TBRG1: variants seen among roughly 807,000 people sequenced by gnomAD.
TBRG1 encodes the protein nuclear interactor of ARF and MDM2.
TBRG1 carries 31 observed loss-of-function variants against 44.0 expected under a neutral mutation model. That is an observed-to-expected ratio of 0.70 (90% CI 0.53 to 0.95). The LOEUF (loss-of-function observed/expected upper bound fraction) is 0.95. Among genes scored for constraint, TBRG1 ranks in the 40% least tolerant of loss-of-function variants. TBRG1 has a pLI of 0.00. For missense variants in TBRG1, 487 were observed against 496.1 expected (o/e 0.98, Z 0.18); for synonymous variants, 171 against 188.1 (o/e 0.91, Z 0.74).
At chr11:124,630,100 G>T (rs1942575398) in intron 5 of TBRG1, 1 of 293,730 alleles carries the variant, frequency 3.4e-6, no homozygotes, top group East Asian at 6.8e-5. Flanking sequence ...ATTTGTATTT[G>T]TACTTAAGGA....
rs572165626 is a variant in TBRG1, at chr11:124,625,525, T to C, written c.222-146T>C. 501 of 697,758 alleles carry C rather than the reference T, an allele frequency of 7.2e-4. 1 individual carries two copies. The highest frequency in any genetic ancestry group is 1.0e-3 in the Non-Finnish European group (437 of 424,164). The allele number at this position is 697,758 out of a possible 1,614,324, so 43.2% of individuals were successfully genotyped here. ...GTATTGATTATCCTCCAGGGCTTTA[T>C]GATTCATAGGGCCTAATAAGAACCT... On this transcript the variant is annotated intron_variant, in intron 2 of 8. Coordinates refer to ENST00000441174, the MANE Select transcript of TBRG1 (RefSeq NM_032811.3).
chr11:124,633,036 C>T lies in TBRG1; in HGVS notation c.*798C>T, dbSNP rs1003569106. 6.6e-6 allele frequency: 1 copy of T among 152,182 alleles called. No homozygotes were observed. The highest frequency in any genetic ancestry group is 6.5e-5 in the Admixed American group (1 of 15,272). The allele number at this position is 152,182 out of a possible 1,614,324, so 9.4% of individuals were successfully genotyped here. On this transcript the variant is annotated 3_prime_UTR_variant, in exon 9 of 9. Transcript: ENST00000441174. Reference sequence around the variant, plus strand: ...GTCAGTATCATCAAAATCCAATGTTCTGCTTAAACTCAAGATGGAAAGTCC... The same window carrying T: ...GTCAGTATCATCAAAATCCAATGTTTTGCTTAAACTCAAGATGGAAAGTCC...
At chr11:124,628,110 TATATATACACACAC>T (rs1467651205) in intron 5 of TBRG1, among the ~76,000 whole-genome samples, 47 of 53,076 alleles carry the variant, frequency 8.9e-4, no homozygotes, top group East Asian at 5.1e-3. Flanking sequence ...TATATATATA[TATATATACACACAC>T]ACACACACAC....
At chr11:124,629,304 A>G (rs1160944316) in intron 5 of TBRG1, among the ~76,000 whole-genome samples, 1 of 152,162 alleles carries the variant, frequency 6.6e-6, no homozygotes, top group Admixed American at 6.5e-5. Flanking sequence ...ACGCCACTGC[A>G]CTCCAGCCTG....
rs983259865 is a variant in TBRG1 at position 124,632,369 on chromosome 11, C to T, written c.*131C>T. 4 of 664,106 alleles carry T rather than the reference C, an allele frequency of 6.0e-6. No homozygotes were observed. The highest frequency in any genetic ancestry group is 2.4e-6 in the Non-Finnish European group (1 of 412,640). 41.1% of individuals were successfully genotyped at this position (664,106 alleles called of 1,614,324 possible). A position where few individuals can be genotyped will look rare whatever the true frequency, so the allele number is the denominator to read the frequency against. On this transcript the variant is annotated 3_prime_UTR_variant, in exon 9 of 9. Transcript: ENST00000441174. ...CTAACGTATTTCATCATGGAAGGTC[C>T]TGTGGTGATGGTTTTCCCTGGGAAA...
At position 124,634,776 on chromosome 11, in the gene TBRG1, A is replaced by G. The variant is rs1158598288; in HGVS notation, c.*2538A>G. On this transcript the variant is annotated 3_prime_UTR_variant, in exon 9 of 9. Coordinates refer to ENST00000441174, the MANE Select transcript of TBRG1 (RefSeq NM_032811.3). ...TTATTTTGGTAAAGTAAGTAAGTCA[A>G]AAACACAGATTACAAAATAATATGT... 3.9e-5 allele frequency: 6 copies of G among 152,362 alleles called. No homozygotes were observed. The highest frequency in any genetic ancestry group is 4.8e-5 in the African/African-American group (2 of 41,580). The allele number at this position is 152,362 out of a possible 1,614,324, so 9.4% of individuals were successfully genotyped here. A position where few individuals can be genotyped will look rare whatever the true frequency, so the allele number is the denominator to read the frequency against.
In TBRG1 at chr11:124,623,088, G is replaced by T; in HGVS notation, c.5G>T (p.Ser2Ile). The T allele has an allele frequency of 3.2e-6, 5 of 1,548,656 alleles. No individual in the cohort carries two copies. Among genetic ancestry groups the T allele is most frequent in the Non-Finnish European group, 4.4e-6 (5 of 1,145,808 alleles). M[S>I]LLDGLASSPR... ...CCCCCGTAGCGGGGCTGGACCATGA[G>T]CCTGCTGGACGGCCTCGCTTCCTCG... Residue 2 changes from serine (S) to isoleucine (I), a missense_variant, in exon 1 of 9, where the codon AGC becomes ATC. Transcript: ENST00000441174.
At position 124,632,390 on chromosome 11, in the gene TBRG1, G is replaced by T; in HGVS notation, c.*152G>T. 7.3e-6 allele frequency: 4 copies of T among 545,016 alleles called. No individual in the cohort carries two copies. The highest frequency in any genetic ancestry group is 3.2e-5 in the South Asian group (1 of 31,638). The allele number at this position is 545,016 out of a possible 1,614,324, so 33.8% of individuals were successfully genotyped here. On this transcript the variant is annotated 3_prime_UTR_variant, in exon 9 of 9. Transcript: ENST00000441174. The stretch of plus-strand genomic sequence containing the variant: ...GGTCCTGTGGTGATGGTTTTCCCTG[G>T]GAAAACCTTCAGCTGCTTTATTTTT...
chr11:124,623,693 G>C (rs1317221502), intron 1 of TBRG1, among the ~76,000 whole-genome samples: 1 of 152,188 alleles, frequency 6.6e-6, no homozygotes, highest in Non-Finnish European at 1.5e-5. Flanking sequence ...CCAGTACACA[G>C]ACTATTTTCT....
At chr11:124,624,639 T>G (rs1942417486) in intron 1 of TBRG1, among the ~76,000 whole-genome samples, 1 of 152,222 alleles carries the variant, frequency 6.6e-6, no homozygotes, top group African/African-American at 2.4e-5. Flanking sequence ...AATCTTGGCT[T>G]GCCCAGGACA....
intron 4 of TBRG1, 120 bp from the exon 5 acceptor site, chr11:124,626,783 TG>T: frequency 6.7e-7 from 1 of 1,489,476 alleles, no homozygotes; most frequent in South Asian, 1.2e-5. Context: ...GCCTACTCTC[TG>T]TCTTTGTGTG....
At chr11:124,632,029 C>T in intron 8 of TBRG1, 64 bp from the exon 9 acceptor site, 3 of 1,503,600 alleles carry the variant, frequency 2.0e-6, no homozygotes, top group Non-Finnish European at 2.8e-6. Context: ...ATGTATATGT[C>T]TGACCAAAAC....
chr11:124,630,333 C>T lies in TBRG1; in HGVS notation c.739-55C>T, dbSNP rs903069630. Reference sequence around the variant, plus strand: ...AAAGAAATATTTACAGAGTAGTATGCCCCTCTCTCCTTCCTTCTTGAGGAT... The same window carrying T: ...AAAGAAATATTTACAGAGTAGTATGTCCCTCTCTCCTTCCTTCTTGAGGAT... On this transcript the variant is annotated intron_variant, in intron 5 of 8. Transcript: ENST00000441174. 46 of 1,096,584 alleles carry T rather than the reference C, an allele frequency of 4.2e-5. No individual in the cohort carries two copies. In the African/African-American group the frequency reaches 6.9e-4, roughly 17 times the overall value. 67.9% of individuals were successfully genotyped at this position (1,096,584 alleles called of 1,614,324 possible). A position where few individuals can be genotyped will look rare whatever the true frequency, so the allele number is the denominator to read the frequency against.
intron 3 of TBRG1, 73 bp downstream of exon 3, chr11:124,625,976 A>G (rs1942459600): frequency 4.8e-6 from 7 of 1,456,480 alleles, no homozygotes; most frequent in Non-Finnish European, 6.4e-6. Context: ...GTACTAACTG[A>G]CAGACACACA....
rs1393374855 is a variant in TBRG1 at position 124,633,215 on chromosome 11, G to A, written c.*977G>A. 1 of 152,116 alleles carries A rather than the reference G, an allele frequency of 6.6e-6. No homozygotes were observed. Among genetic ancestry groups the A allele is most frequent in the Non-Finnish European group, 1.5e-5 (1 of 68,032 alleles). The allele number at this position is 152,116 out of a possible 1,614,324, so 9.4% of individuals were successfully genotyped here. A position where few individuals can be genotyped will look rare whatever the true frequency, so the allele number is the denominator to read the frequency against. ...GATAACACAAATTCACATATAATTG[G>A]GGGTTAGTCCCATACTCTATAACAG... On this transcript the variant is annotated 3_prime_UTR_variant, in exon 9 of 9. Coordinates refer to ENST00000441174, the MANE Select transcript of TBRG1 (RefSeq NM_032811.3).
chr11:124,626,441 C>A (rs1244934131), intron 3 of TBRG1, 32 bp from the exon 4 acceptor site: 18 of 1,503,614 alleles, frequency 1.2e-5, no homozygotes, highest in Non-Finnish European at 1.6e-5. Flanking sequence ...TGGAAGGGGC[C>A]TAAAGTGGGT....
chr11:124,627,065 A>G lies in TBRG1; in HGVS notation c.738+15A>G, dbSNP rs572929782. On this transcript the variant is annotated intron_variant, in intron 5 of 8. Transcript: ENST00000441174. ...TGCAGCCTCAGGTACCCCCTCTAAT[A>G]ATAACCACTGTTTGTCTTTAGAACC... 1 of 1,481,018 alleles carries G rather than the reference A, an allele frequency of 6.8e-7. No homozygotes were observed. Among genetic ancestry groups the G allele is most frequent in the South Asian group, 1.2e-5 (1 of 82,678 alleles). The allele number at this position is 1,481,018 out of a possible 1,614,324, so 91.7% of individuals were successfully genotyped here. A position where few individuals can be genotyped will look rare whatever the true frequency, so the allele number is the denominator to read the frequency against.
Position 124,625,872 on chromosome 11 carries a change from A to T in TBRG1, c.423A>T (p.Lys141Asn). The change falls in exon 3 of 9, where the codon AAA becomes AAT. Residue 141 changes from lysine to asparagine, a missense_variant. Lys to Asn is a moderately conservative substitution (Grantham distance 94). Transcript: ENST00000441174. ...GGAAGAAAACTAAGAAGGAGAAAAA[A>T]GAAAAAGGCAAAGAGAACAACAAAC... The part of the protein sequence containing the change: ...PFGKKTKKEK[K>N]EKGKENNKLE... 1 of 1,578,272 alleles carries T rather than the reference A, an allele frequency of 6.3e-7. No homozygotes were observed. Among genetic ancestry groups the T allele is most frequent in the East Asian group, 2.3e-5 (1 of 44,024 alleles).
intron 1 of TBRG1, among the ~76,000 whole-genome samples, chr11:124,624,457 G>A (rs1029385149): frequency 2.7e-5 from 4 of 150,774 alleles, no homozygotes; most frequent in Non-Finnish European, 5.9e-5. Context: ...ATTTGATTTT[G>A]TTCTGTCCAG....
Sources: gnomAD v4.1 joint callset for allele counts (sites outside exome capture counted in the v4.1 genomes callset) on GRCh38, gnomAD v4.1.1 for gene constraint, MANE v1.5 for transcripts, NCBI Gene and HGNC (gene_info 2026-07-23, HGNC 2026-07-21) for gene names.